ZFP1: variants seen among roughly 807,000 people sequenced by gnomAD.
ZFP1 encodes ZFP1 zinc finger protein, also known as zinc finger protein 1 homolog.
Under a neutral mutation model 38.5 loss-of-function variants are expected in ZFP1, and 32 were observed. That is an observed-to-expected ratio of 0.83 (90% confidence interval 0.63 to 1.12). ZFP1 has a LOEUF of 1.12. Among genes scored for constraint, ZFP1 ranks in the 50% most tolerant of loss-of-function variants. The pLI, the probability that ZFP1 is intolerant of heterozygous loss-of-function variation, is 0.00. For missense variants in ZFP1, 616 were observed against 480.8 expected (o/e 1.28, Z -2.63); for synonymous variants, 245 against 168.8 (o/e 1.45, Z -3.50).
chr16:75,128,965 T>A, the ZFP1 span, among the ~76,000 whole-genome samples: 1 of 152,022 alleles, frequency 6.6e-6, no homozygotes, highest in Non-Finnish European at 1.5e-5. Context: ...TAATTTTGTA[T>A]TTTTAGTAGA....
upstream of ZFP1, among the ~76,000 whole-genome samples, chr16:75,146,985 A>T (rs1395658477): frequency 6.6e-5 from 10 of 151,218 alleles, no homozygotes; most frequent in Non-Finnish European, 1.2e-4. Flanking sequence ...TGAGGGAAAC[A>T]TGAGGGAAAC....
At chr16:75,136,163 A>C in the ZFP1 span, among the ~76,000 whole-genome samples, 2 of 152,200 alleles carry the variant, frequency 1.3e-5, no homozygotes, top group Non-Finnish European at 1.5e-5. Flanking sequence ...GAGTCCCAGG[A>C]AAAAATGCAG....
chr16:75,128,240 C>A, the ZFP1 span, among the ~76,000 whole-genome samples: 3 of 152,132 alleles, frequency 2.0e-5, no homozygotes, highest in Non-Finnish European at 4.4e-5. Context: ...ATCTTGGAAC[C>A]TCAAGAGGAG....
At chr16:75,166,378 C>T (rs1005973847) in intron 2 of ZFP1, among the ~76,000 whole-genome samples, 24 of 152,278 alleles carry the variant, frequency 1.6e-4, no homozygotes, top group Admixed American at 3.9e-4. Flanking sequence ...GGAGTACAGG[C>T]ATGTGCCACC....
chr16:75,149,985 A>G (rs2037106676), intron 1 of ZFP1, among the ~76,000 whole-genome samples: 1 of 150,868 alleles, frequency 6.6e-6, no homozygotes, highest in African/African-American at 2.4e-5. Flanking sequence ...GGGTTTCACC[A>G]TGTTGGCCCG....
At chr16:75,157,404 C>T (rs1441950405) in intron 2 of ZFP1, among the ~76,000 whole-genome samples, 2 of 151,766 alleles carry the variant, frequency 1.3e-5, no homozygotes, top group South Asian at 2.1e-4. Context: ...CCACTACACA[C>T]GGTGAATTTT....
the ZFP1 span, among the ~76,000 whole-genome samples, chr16:75,120,452 A>T: frequency 6.6e-6 from 1 of 151,572 alleles, no homozygotes; most frequent in Non-Finnish European, 1.5e-5. Context: ...TAAACAGGCA[A>T]GTTCGTCTCG....
the ZFP1 span, among the ~76,000 whole-genome samples, chr16:75,137,017 C>T: frequency 2.0e-4 from 31 of 152,258 alleles, no homozygotes; most frequent in African/African-American, 6.7e-4. Context: ...GGAGCCCACC[C>T]GGGGCCAGCA....
At chr16:75,151,517 C>A (rs574217918) in intron 1 of ZFP1, among the ~76,000 whole-genome samples, 23 of 152,040 alleles carry the variant, frequency 1.5e-4, no homozygotes, top group South Asian at 4.2e-4. Context: ...AAAAATTTAA[C>A]AGAGTTTTTG....
chr16:75,132,242 A>T, the ZFP1 span, among the ~76,000 whole-genome samples: 1 of 152,134 alleles, frequency 6.6e-6, no homozygotes, highest in Admixed American at 6.5e-5. Flanking sequence ...ATAAAAAATT[A>T]GCCAGGCATG....
intron 2 of ZFP1, among the ~76,000 whole-genome samples, chr16:75,154,590 T>G (rs2037378009): frequency 6.6e-6 from 1 of 151,036 alleles, no homozygotes; most frequent in African/African-American, 2.4e-5. Flanking sequence ...TTTTTTTTTT[T>G]TTTTGGTTTT....
the ZFP1 span, among the ~76,000 whole-genome samples, chr16:75,120,158 T>C: frequency 1.1e-4 from 17 of 152,342 alleles, no homozygotes; most frequent in Admixed American, 6.5e-4. Flanking sequence ...TGTGTGTGTG[T>C]GCGCATGTGC....
At chr16:75,152,038 T>G (rs938152853) in intron 1 of ZFP1, among the ~76,000 whole-genome samples, 2 of 152,208 alleles carry the variant, frequency 1.3e-5, no homozygotes, top group African/African-American at 4.8e-5. Context: ...ACTACTTTGT[T>G]TTCTGGCTTA....
At chr16:75,145,309 T>G (rs1159061451), upstream of ZFP1, among the ~76,000 whole-genome samples, 2 of 152,218 alleles carry the variant, frequency 1.3e-5, no homozygotes, top group Non-Finnish European at 2.9e-5. Flanking sequence ...GGAATTCTTA[T>G]TCATTGTTGG....
At chr16:75,167,593 T>G (rs2038166545) in intron 3 of ZFP1, among the ~76,000 whole-genome samples, 1 of 152,124 alleles carries the variant, frequency 6.6e-6, no homozygotes, top group South Asian at 2.1e-4. Context: ...AGTGGGCATG[T>G]GTCTTTTTGG....
At chr16:75,148,040 C>G (rs866961295), upstream of ZFP1, among the ~76,000 whole-genome samples, 2 of 151,914 alleles carry the variant, frequency 1.3e-5, no homozygotes, top group African/African-American at 4.8e-5. Context: ...ATATATATAC[C>G]TCAACAAAGT....
intron 2 of ZFP1, among the ~76,000 whole-genome samples, chr16:75,154,390 A>G (rs2037366303): frequency 1.3e-5 from 2 of 152,354 alleles, no homozygotes; most frequent in South Asian, 4.1e-4. Context: ...AATTATAAAT[A>G]AAGCTGTTAT....
the ZFP1 span, among the ~76,000 whole-genome samples, chr16:75,123,086 G>GC: frequency 6.6e-6 from 1 of 152,084 alleles, no homozygotes; most frequent in Middle Eastern, 3.4e-3. Flanking sequence ...AAGTGCAGTG[G>GC]CTCACACCTG....
chr16:75,149,555 TTC>T (rs2037074556), intron 1 of ZFP1, among the ~76,000 whole-genome samples: 4 of 99,394 alleles, frequency 4.0e-5, no homozygotes, highest in East Asian at 3.0e-4. Flanking sequence ...TTTCTTTACT[TTC>T]TTTTTTTTTT....
Sources: gnomAD v4.1 joint callset for allele counts (sites outside exome capture counted in the v4.1 genomes callset) on GRCh38, gnomAD v4.1.1 for gene constraint, MANE v1.5 for transcripts, NCBI Gene and HGNC (gene_info 2026-07-23, HGNC 2026-07-21) for gene names.